Variants in NDUFA10 observed in about 807,000 individuals in gnomAD.
NDUFA10 encodes NADH:ubiquinone oxidoreductase subunit A10.
NDUFA10 carries 40 observed loss-of-function variants against 47.8 expected under a neutral mutation model. That is an observed-to-expected ratio of 0.84 (90% CI 0.65 to 1.09). The LOEUF is 1.09. NDUFA10 is among the 50% of genes least tolerant of loss of function. NDUFA10 has a pLI of 0.00. For missense variants in NDUFA10, 413 were observed against 451.1 expected (o/e 0.92, Z 0.76); for synonymous variants, 183 against 172.2 (o/e 1.06, Z -0.49).
downstream of NDUFA10, among the ~76,000 whole-genome samples, chr2:239,956,413 C>T (rs115436280): frequency 0.011 from 1,683 of 152,258 alleles, 34 homozygotes; most frequent in African/African-American, 0.037. Context: ...GGCCTGAGCA[C>T]GTGGGGTCCT....
intron 9 of NDUFA10, among the ~76,000 whole-genome samples, chr2:239,964,272 A>G (rs1405635594): frequency 5.3e-5 from 8 of 152,152 alleles, no homozygotes; most frequent in Admixed American, 5.2e-4. Flanking sequence ...CTCAGAAATC[A>G]GAGAAGGAGA....
chr2:239,917,465 A>C (rs941329353), intron 4 of NDUFA10, among the ~76,000 whole-genome samples: 1 of 152,250 alleles, frequency 6.6e-6, no homozygotes, highest in African/African-American at 2.4e-5. Flanking sequence ...TTATCTAAGC[A>C]GTGGAGTGAA....
chr2:240,006,459 A>G (rs1333642608), intron 7 of NDUFA10, among the ~76,000 whole-genome samples: 1 of 152,194 alleles, frequency 6.6e-6, no homozygotes, highest in Non-Finnish European at 1.5e-5. Flanking sequence ...AGGCAACTGA[A>G]GCACGCTTGT....
intron 5 of NDUFA10, chr2:240,013,154 T>C (rs1697205855): frequency 6.6e-6 from 1 of 152,234 alleles, no homozygotes; most frequent in South Asian, 2.1e-4. Context: ...GACTGTTTTC[T>C]TAGAATCTAG....
At position 240,014,588 on chromosome 2, in the gene NDUFA10, C is replaced by A. The variant is rs77816205; in HGVS notation, c.669+151G>T. The A allele has an allele frequency of 0.072, 91,188 of 1,272,434 alleles. 3,851 individuals carry two copies. Among genetic ancestry groups the A allele is most frequent in the Admixed American group, 0.15 (8,590 of 57,578 alleles). 78.8% of individuals were successfully genotyped at this position (1,272,434 alleles called of 1,614,324 possible). The stretch of plus-strand genomic sequence containing the variant: ...CCATGGGGTCTCCCCTCCACCCCTG[C>A]AGATGCCCTCTCTCAAGTGGGAACA... On this transcript the variant is annotated intron_variant, in intron 5 of 9. Coordinates refer to ENST00000252711, the MANE Select transcript of NDUFA10 (RefSeq NM_004544.4).
At chr2:239,989,372 T>G in intron 9 of NDUFA10, among the ~76,000 whole-genome samples, 1 of 152,252 alleles carries the variant, frequency 6.6e-6, no homozygotes, top group East Asian at 1.9e-4. Flanking sequence ...CATCTACATG[T>G]TGAAGGCATA....
intron 9 of NDUFA10, among the ~76,000 whole-genome samples, chr2:239,964,392 G>A (rs1175303225): frequency 6.6e-6 from 1 of 152,132 alleles, no homozygotes; most frequent in African/African-American, 2.4e-5. Context: ...TTGAGCCCCC[G>A]GAAGGAGCCA....
In NDUFA10 at chr2:239,992,976, G is replaced by T. The variant is rs137982870; in HGVS notation, c.891-2794C>A. 2.0e-5 allele frequency among the ~76,000 whole-genome samples: 3 copies of T among 152,186 alleles called. No homozygotes were observed. The East Asian group carries it at 5.8e-4, about 29-fold the overall frequency. On this transcript the variant is annotated intron_variant, in intron 8 of 9. Transcript: ENST00000252711. Reference sequence around the variant, plus strand: ...CACTTGAGTCCCTCAATTGAGAAATGGTACTCAAATGAAAATAAACACAAT... The same window carrying T: ...CACTTGAGTCCCTCAATTGAGAAATTGTACTCAAATGAAAATAAACACAAT...
intron 4 of NDUFA10, among the ~76,000 whole-genome samples, chr2:239,903,530 G>T (rs1240148113): frequency 1.3e-5 from 2 of 152,196 alleles, no homozygotes; most frequent in Non-Finnish European, 2.9e-5. Flanking sequence ...TTTCTATAAG[G>T]CCAGACATAA....
At chr2:239,894,948 A>C (rs1473575698) in intron 5 of NDUFA10, among the ~76,000 whole-genome samples, 1 of 151,860 alleles carries the variant, frequency 6.6e-6, no homozygotes, top group African/African-American at 2.4e-5. Flanking sequence ...CACAACCCTG[A>C]CCCCTTCTTC....
At chr2:240,019,509 T>G (rs1416496785) in intron 3 of NDUFA10, among the ~76,000 whole-genome samples, 1 of 151,966 alleles carries the variant, frequency 6.6e-6, no homozygotes, top group Non-Finnish European at 1.5e-5. Context: ...GAAGACAGGG[T>G]TGAAGAATGC....
At chr2:239,995,613 G>A (rs1312298733) in intron 8 of NDUFA10, among the ~76,000 whole-genome samples, 3 of 152,084 alleles carry the variant, frequency 2.0e-5, no homozygotes, top group South Asian at 2.1e-4. Context: ...TTATCTTCAC[G>A]CTCACTTCTA....
At position 240,007,257 on chromosome 2, in the gene NDUFA10, G is replaced by A; in HGVS notation, c.804+59C>T. 2.3e-6 allele frequency: 3 copies of A among 1,283,450 alleles called. 1 individual carries two copies. Among genetic ancestry groups the A allele is most frequent in the Non-Finnish European group, 3.4e-6 (3 of 889,794 alleles). The allele number at this position is 1,283,450 out of a possible 1,614,324, so 79.5% of individuals were successfully genotyped here. A position where few individuals can be genotyped will look rare whatever the true frequency, so the allele number is the denominator to read the frequency against. ...ATCTAACTGACGATCTGATTTGCAA[G>A]AACCTTACACATGAATCAAATGTAG... On this transcript the variant is annotated intron_variant, in intron 7 of 9. Coordinates refer to ENST00000252711, the MANE Select transcript of NDUFA10 (RefSeq NM_004544.4).
chr2:239,908,141 G>A (rs1383241627), intron 4 of NDUFA10, among the ~76,000 whole-genome samples: 2 of 151,904 alleles, frequency 1.3e-5, no homozygotes, highest in African/African-American at 2.4e-5. Flanking sequence ...GCAAACTATC[G>A]CAAGGACAGA....
chr2:240,007,266 A>G, intron 7 of NDUFA10, 50 bp downstream of exon 7: 1 of 1,345,336 alleles, frequency 7.4e-7, no homozygotes, highest in Non-Finnish European at 1.1e-6. Context: ...AGAACCTTAC[A>G]CATGAATCAA....
chr2:240,012,411 C>T (rs1225994923), intron 5 of NDUFA10: 1 of 156,482 alleles, frequency 6.4e-6, no homozygotes, highest in Non-Finnish European at 1.4e-5. Context: ...GTGAGGACCT[C>T]ATCCACCCTG....
chr2:239,908,820 C>T (rs776956008), intron 4 of NDUFA10, among the ~76,000 whole-genome samples: 7 of 152,188 alleles, frequency 4.6e-5, no homozygotes, highest in Non-Finnish European at 5.9e-5. Flanking sequence ...TTGCACACCA[C>T]GACAGCCATC....
At chr2:239,922,442 C>T (rs74002005) in intron 4 of NDUFA10, among the ~76,000 whole-genome samples, 11 of 152,172 alleles carry the variant, frequency 7.2e-5, no homozygotes, top group Admixed American at 7.2e-4. Context: ...AGACCATGCC[C>T]TACCTCCACC....
At chr2:239,934,659 G>C (rs909117897) in intron 4 of NDUFA10, among the ~76,000 whole-genome samples, 3 of 152,170 alleles carry the variant, frequency 2.0e-5, no homozygotes, top group African/African-American at 7.2e-5. Flanking sequence ...AGTAAGTGCA[G>C]AGTCATCCTA....
Sources: allele counts gnomAD v4.1 joint callset (sites outside exome capture counted in the v4.1 genomes callset), GRCh38; gene constraint gnomAD v4.1.1; transcripts MANE v1.5; gene names NCBI Gene and HGNC (gene_info 2026-07-23, HGNC 2026-07-21).